The following FSTL4 variants were observed in gnomAD, a reference collection of about 807,000 sequenced individuals.
The protein encoded by FSTL4 is follistatin-related protein 4.
Under a neutral mutation model 78.2 loss-of-function variants are expected in FSTL4, and 28 were observed. That is an observed-to-expected ratio of 0.36 (90% CI 0.27 to 0.49). The LOEUF (loss-of-function observed/expected upper bound fraction) is 0.49, where lower values mean the gene tolerates loss of function less well. Ranked by LOEUF, FSTL4 falls within the 20% of genes least tolerant of loss-of-function variation. The pLI, the probability that FSTL4 is intolerant of heterozygous loss-of-function variation, is 0.98. For synonymous variants in FSTL4, 422 were observed against 440.5 expected (o/e 0.96, Z 0.53); for missense variants, 922 against 1,084.9 (o/e 0.85, Z 2.11).
At chr5:133,671,491 C>A in the FSTL4 span, among the ~76,000 whole-genome samples, 1 of 152,140 alleles carries the variant, frequency 6.6e-6, no homozygotes, top group Non-Finnish European at 1.5e-5. Flanking sequence ...TTCCTCAGTG[C>A]CATAAAGAAA....
intron 6 of FSTL4, among the ~76,000 whole-genome samples, chr5:133,309,134 G>A (rs1753719610): frequency 6.6e-6 from 1 of 152,102 alleles, no homozygotes; most frequent in African/African-American, 2.4e-5. Context: ...TTAATTTACT[G>A]TGATGAACAG....
At chr5:133,524,121 G>T (rs1333140777) in intron 3 of FSTL4, among the ~76,000 whole-genome samples, 1 of 152,206 alleles carries the variant, frequency 6.6e-6, no homozygotes, top group Non-Finnish European at 1.5e-5. Context: ...CAGGCCCAGG[G>T]TGGGAGCAGG....
intron 13 of FSTL4, among the ~76,000 whole-genome samples, chr5:133,216,509 T>C (rs959372643): frequency 3.3e-5 from 5 of 152,094 alleles, no homozygotes; most frequent in Non-Finnish European, 5.9e-5. Context: ...CCACCACGCC[T>C]GGCTAATTTT....
At chr5:133,838,877 T>C in the FSTL4 span, among the ~76,000 whole-genome samples, 1 of 152,216 alleles carries the variant, frequency 6.6e-6, no homozygotes, top group South Asian at 2.1e-4. Context: ...GGTGAGTCAA[T>C]GTCTCCCTGT....
At chr5:133,772,876 C>T in the FSTL4 span, among the ~76,000 whole-genome samples, 1 of 152,034 alleles carries the variant, frequency 6.6e-6, no homozygotes, top group Non-Finnish European at 1.5e-5. Flanking sequence ...ATAGCACCAA[C>T]GAATGTCATA....
the FSTL4 span, among the ~76,000 whole-genome samples, chr5:133,834,895 A>T: frequency 6.6e-6 from 1 of 152,024 alleles, no homozygotes; most frequent in African/African-American, 2.4e-5. Flanking sequence ...AAAAATGCAT[A>T]AAAATTAAGT....
the FSTL4 span, among the ~76,000 whole-genome samples, chr5:133,661,270 G>A: frequency 2.8e-3 from 425 of 152,308 alleles, 1 homozygote; most frequent in African/African-American, 9.0e-3. Context: ...GATTACAGGC[G>A]TGAGCCACCG....
intron 3 of FSTL4, among the ~76,000 whole-genome samples, chr5:133,439,997 T>G (rs1324742057): frequency 5.3e-5 from 8 of 152,122 alleles, no homozygotes; most frequent in Non-Finnish European, 1.2e-4. Context: ...AGAGGATCTG[T>G]TCAGTCATGC....
the FSTL4 span, among the ~76,000 whole-genome samples, chr5:133,659,715 A>T: frequency 4.0e-5 from 6 of 151,760 alleles, no homozygotes; most frequent in African/African-American, 1.4e-4. Flanking sequence ...ATTCTATTAA[A>T]TAGATGGGAT....
intron 4 of FSTL4, among the ~76,000 whole-genome samples, chr5:133,384,401 G>A (rs1321353951): frequency 6.6e-6 from 1 of 152,226 alleles, no homozygotes; most frequent in African/African-American, 2.4e-5. Context: ...AGCCCAAATG[G>A]GAAACTTGGC....
At chr5:133,207,077 CT>C (rs1434749604) in intron 14 of FSTL4, among the ~76,000 whole-genome samples, 7 of 152,042 alleles carry the variant, frequency 4.6e-5, no homozygotes, top group African/African-American at 1.4e-4. Flanking sequence ...TTTAAAGTTT[CT>C]TTAGTGATAT....
chr5:133,455,169 G>A lies in FSTL4; in HGVS notation c.161-54183C>T, dbSNP rs188844243. Among the ~76,000 whole-genome samples, 3 of 152,326 alleles carry A rather than the reference G, an allele frequency of 2.0e-5. No homozygotes were observed. The East Asian group carries it at 5.8e-4, about 29-fold the overall frequency. The stretch of plus-strand genomic sequence containing the variant: ...TGAGGAAGAGTGGAGAGGGAGAGGT[G>A]CACATGGCACATTCAGTAATCTCCC... On this transcript the variant is annotated intron_variant, in intron 3 of 15. Coordinates refer to ENST00000265342, the MANE Select transcript of FSTL4 (RefSeq NM_015082.2).
chr5:133,321,785 T>G (rs1273648563), intron 4 of FSTL4, among the ~76,000 whole-genome samples: 2 of 152,302 alleles, frequency 1.3e-5, no homozygotes, highest in South Asian at 4.1e-4. Flanking sequence ...GAGGCATGAC[T>G]CTTCCAGAGA....
chr5:133,425,683 G>A (rs905737727), intron 3 of FSTL4, among the ~76,000 whole-genome samples: 1 of 152,190 alleles, frequency 6.6e-6, no homozygotes, highest in Non-Finnish European at 1.5e-5. Context: ...TAAAGTTAAA[G>A]CATTAATTAA....
At chr5:133,796,843 C>T in the FSTL4 span, among the ~76,000 whole-genome samples, 10 of 152,064 alleles carry the variant, frequency 6.6e-5, no homozygotes, top group Admixed American at 4.6e-4. Context: ...GAAGGTGAGG[C>T]CTTTGCCAGG....
chr5:133,368,397 G>A (rs1304610193), intron 4 of FSTL4, among the ~76,000 whole-genome samples: 1 of 152,212 alleles, frequency 6.6e-6, no homozygotes, highest in Non-Finnish European at 1.5e-5. Flanking sequence ...GGGACACTGG[G>A]GAGTTATGTG....
intron 3 of FSTL4, among the ~76,000 whole-genome samples, chr5:133,481,397 G>C (rs190365014): frequency 1.3e-5 from 2 of 151,994 alleles, no homozygotes; most frequent in East Asian, 1.9e-4. Flanking sequence ...CAAAAATTAG[G>C]TGGGCATGGT....
chr5:133,270,772 A>C (rs973111639), intron 6 of FSTL4, among the ~76,000 whole-genome samples: 1 of 152,124 alleles, frequency 6.6e-6, no homozygotes, highest in African/African-American at 2.4e-5. Flanking sequence ...CCCCTACTCT[A>C]TGCTCTCCTG....
In FSTL4 at chr5:133,229,022, A is replaced by G. The variant is rs111937290; in HGVS notation, c.1016-3203T>C. ...CGTAACGAGGCCAGTACTAAAATATACAAAATTAACAGCTTGCTTATACAC... is the reference window on the plus strand; with the variant it reads ...CGTAACGAGGCCAGTACTAAAATATGCAAAATTAACAGCTTGCTTATACAC... On this transcript the variant is annotated intron_variant, in intron 8 of 15. Transcript: ENST00000265342. Among the ~76,000 whole-genome samples, 255 of 152,354 alleles carry G rather than the reference A, an allele frequency of 1.7e-3. 1 individual carries two copies. Among genetic ancestry groups the G allele is most frequent in the Non-Finnish European group, 1.8e-3 (125 of 68,038 alleles).
Sources: gnomAD v4.1 joint callset for allele counts (sites outside exome capture counted in the v4.1 genomes callset) on GRCh38, gnomAD v4.1.1 for gene constraint, MANE v1.5 for transcripts, NCBI Gene and HGNC (gene_info 2026-07-23, HGNC 2026-07-21) for gene names.